RYR2: variants seen among roughly 807,000 people sequenced by gnomAD.
RYR2 encodes cardiac muscle ryanodine receptor-calcium release channel.
A neutral mutation model predicts 601.1 loss-of-function variants in RYR2; 227 were observed. That is an observed-to-expected ratio of 0.38 (90% CI 0.34 to 0.42). The LOEUF is 0.42. Ranked by LOEUF, RYR2 falls within the 10% of genes least tolerant of loss-of-function variation. The probability of loss-of-function intolerance (pLI) is 1.00; values close to 1 mark genes in which losing one functional copy is unlikely to be tolerated. For missense variants in RYR2, 4,646 were observed against 6,156.5 expected, an observed-to-expected ratio of 0.75 and a Z score of 8.21; for synonymous variants, 2,223 against 2,175.1, an observed-to-expected ratio of 1.02 and a Z score of -0.61.
chr1:237,674,706 C>T (rs1198856747), intron 59 of RYR2, 25 bp from the exon 60 acceptor site: 4 of 1,400,826 alleles, frequency 2.9e-6, no homozygotes, highest in South Asian at 1.2e-5. Flanking sequence ...AAATTGCTTT[C>T]CCATTTTCAT....
chr1:237,523,183 T>C (rs2618695), intron 24 of RYR2, among the ~76,000 whole-genome samples: 72,577 of 151,960 alleles, frequency 0.48, 17,597 homozygotes, highest in East Asian at 0.58. Context: ...TTAGATACAA[T>C]ATCCAAAACA....
At chr1:237,691,693 C>G (rs982513212) in intron 63 of RYR2, among the ~76,000 whole-genome samples, 1 of 152,042 alleles carries the variant, frequency 6.6e-6, no homozygotes, top group Non-Finnish European at 1.5e-5. Flanking sequence ...AGCGGTATTA[C>G]CCATAGAATT....
intron 1 of RYR2, among the ~76,000 whole-genome samples, chr1:237,252,941 GATC>G (rs1375897738): frequency 1.3e-5 from 2 of 152,072 alleles, no homozygotes; most frequent in African/African-American, 4.8e-5. Flanking sequence ...AAGGTGGGTG[GATC>G]CTTTGAGGTC....
chr1:237,465,265 A>C (rs1299099829), intron 16 of RYR2, among the ~76,000 whole-genome samples: 1 of 152,110 alleles, frequency 6.6e-6, no homozygotes, highest in Non-Finnish European at 1.5e-5. Context: ...GGAGGAATGA[A>C]TCTCCACTTG....
intron 95 of RYR2, among the ~76,000 whole-genome samples, chr1:237,794,866 T>A (rs1658913162): frequency 6.6e-6 from 1 of 152,248 alleles, no homozygotes; most frequent in Non-Finnish European, 1.5e-5. Flanking sequence ...AGTTGTGCTT[T>A]GCTGCTATGC....
intron 8 of RYR2, among the ~76,000 whole-genome samples, chr1:237,382,568 T>A (rs1388137441): frequency 2.5e-5 from 3 of 121,798 alleles, no homozygotes; most frequent in Non-Finnish European, 3.2e-5. Flanking sequence ...GATGTTCCCC[T>A]TCCTGTGTCT....
intron 1 of RYR2, among the ~76,000 whole-genome samples, chr1:237,189,076 C>T (rs1162347225): frequency 6.6e-6 from 1 of 152,112 alleles, no homozygotes; most frequent in Non-Finnish European, 1.5e-5. Context: ...CCCTTGACAA[C>T]CACCTTTCTA....
At chr1:237,790,782 G>C (rs1418819589) in intron 92 of RYR2, among the ~76,000 whole-genome samples, 2 of 152,056 alleles carry the variant, frequency 1.3e-5, no homozygotes, top group Non-Finnish European at 2.9e-5. Context: ...AGGGAGGCAG[G>C]CTTCATATCC....
chr1:237,503,853 G>A (rs1220342401), intron 22 of RYR2, among the ~76,000 whole-genome samples: 2 of 151,890 alleles, frequency 1.3e-5, no homozygotes, highest in South Asian at 2.1e-4. Flanking sequence ...GATTACAGGC[G>A]CCCACCACCA....
intron 101 of RYR2, 69 bp from the exon 102 acceptor site, chr1:237,828,312 G>A: frequency 9.1e-7 from 1 of 1,103,800 alleles, no homozygotes; most frequent in Non-Finnish European, 1.3e-6. Flanking sequence ...TTTCCCTGGG[G>A]GGATTAGCCA....
At chr1:237,059,429 G>T (rs1394487207) in intron 1 of RYR2, among the ~76,000 whole-genome samples, 1 of 152,096 alleles carries the variant, frequency 6.6e-6, no homozygotes, top group Non-Finnish European at 1.5e-5. Flanking sequence ...ACCACCAGGA[G>T]TCGAGAACTC....
rs1229699040 is a variant in RYR2, at chr1:237,418,946, GAC to G, written c.848+1825_848+1826del. ...ATCATAATGAGATGGAAAAAGAAGA[GAC>G]AGACTTCTAAGGCAAACAAAGGAAA... On this transcript the variant is annotated intron_variant, in intron 11 of 104. Coordinates refer to ENST00000366574, the MANE Select transcript of RYR2 (RefSeq NM_001035.3). 2.7e-5 allele frequency among the ~76,000 whole-genome samples: 4 copies of G among 150,010 alleles called. No individual in the cohort carries two copies. In the East Asian group the frequency reaches 5.9e-4, roughly 22 times the overall value.
chr1:237,086,418 T>C (rs1281269612), intron 1 of RYR2, among the ~76,000 whole-genome samples: 1 of 152,174 alleles, frequency 6.6e-6, no homozygotes, highest in East Asian at 1.9e-4. Context: ...ACAGTCACAT[T>C]AGAGCTTTAA....
At chr1:237,539,927 A>G (rs1022769399) in intron 25 of RYR2, among the ~76,000 whole-genome samples, 1 of 152,196 alleles carries the variant, frequency 6.6e-6, no homozygotes, top group African/African-American at 2.4e-5. Context: ...ATTTTTTTTA[A>G]ATAGCCAATT....
intron 2 of RYR2, among the ~76,000 whole-genome samples, chr1:237,275,642 C>A (rs749600169): frequency 1.3e-4 from 19 of 151,976 alleles, no homozygotes; most frequent in Non-Finnish European, 2.1e-4. Context: ...ACGTAACACA[C>A]TTCAACTTGA....
At chr1:237,148,545 TATATATATACACACACAC>T (rs1674317326) in intron 1 of RYR2, among the ~76,000 whole-genome samples, 1 of 135,634 alleles carries the variant, frequency 7.4e-6, no homozygotes, top group Non-Finnish European at 1.5e-5. Flanking sequence ...TATATATATA[TATATATATACACACACAC>T]ATATATATAT....
At chr1:237,783,342 T>G (rs1298369967) in intron 89 of RYR2, among the ~76,000 whole-genome samples, 1 of 152,210 alleles carries the variant, frequency 6.6e-6, no homozygotes, top group African/African-American at 2.4e-5. Context: ...AAATGTTTAT[T>G]TTTATTATTA....
At chr1:237,336,351 A>G (rs930874595) in intron 3 of RYR2, among the ~76,000 whole-genome samples, 1 of 152,244 alleles carries the variant, frequency 6.6e-6, no homozygotes, top group Non-Finnish European at 1.5e-5. Context: ...AAACATGTCC[A>G]GAGATATTCT....
At chr1:237,359,490 G>A (rs189690105) in intron 4 of RYR2, among the ~76,000 whole-genome samples, 11 of 152,176 alleles carry the variant, frequency 7.2e-5, no homozygotes, top group Admixed American at 3.3e-4. Context: ...TCTAGGGTGC[G>A]TTTACCACCA....
Sources: gnomAD v4.1 joint callset for allele counts (sites outside exome capture counted in the v4.1 genomes callset) on GRCh38, gnomAD v4.1.1 for gene constraint, MANE v1.5 for transcripts, NCBI Gene and HGNC (gene_info 2026-07-23, HGNC 2026-07-21) for gene names.